C5: variants seen among roughly 807,000 people sequenced by gnomAD.
The protein encoded by C5 is C3 and PZP-like alpha-2-macroglobulin domain-containing protein 4.
A neutral mutation model predicts 218.8 loss-of-function variants in C5; 140 were observed. The observed-to-expected ratio is 0.64, with a 90% CI of 0.56 to 0.74. The LOEUF (loss-of-function observed/expected upper bound fraction) is 0.74. Among genes scored for constraint, C5 ranks in the 30% least tolerant of loss-of-function variants. The pLI is 0.00. For synonymous variants in C5, 614 were observed against 682.3 expected, an observed-to-expected ratio of 0.90 and a Z score of 1.56; for missense variants, 1,700 against 1,969.6, an observed-to-expected ratio of 0.86 and a Z score of 2.59.
chr9:121,061,326 A>C, the C5 span, among the ~76,000 whole-genome samples: 1 of 152,244 alleles, frequency 6.6e-6, no homozygotes, highest in Admixed American at 6.5e-5. Context: ...TAAGGTATTA[A>C]AATATAAACA....
Position 120,997,533 on chromosome 9 carries a change from C to T in C5, c.2790+14G>A, listed in dbSNP as rs757300188. ...ATAATTTAAGCATAAGTTATTGAAG[C>T]ATGTTTTTCTTACCACCACTCGTAA... On this transcript the variant is annotated intron_variant, in intron 21 of 40. Transcript: ENST00000223642. 6.4e-7 allele frequency: 1 copy of T among 1,552,788 alleles called. No individual in the cohort carries two copies. The highest frequency in any genetic ancestry group is 8.9e-7 in the Non-Finnish European group (1 of 1,124,770).
At position 121,046,258 on chromosome 9, in the gene C5, A is replaced by T. The variant is rs762278531; in HGVS notation, c.191T>A (p.Phe64Tyr). The T allele has an allele frequency of 6.2e-7, 1 of 1,609,312 alleles. No individual in the cohort carries two copies. The highest frequency in any genetic ancestry group is 8.5e-7 in the Non-Finnish European group (1 of 1,176,300). Residue 64 changes from phenylalanine to tyrosine, a missense_variant, in exon 2 of 41, where the codon TTT (phenylalanine) becomes TAT (tyrosine). Phe to Tyr is a conservative substitution (Grantham distance 22). Coordinates refer to ENST00000223642, the MANE Select transcript of C5 (RefSeq NM_001735.3). ...ATGAACATGGCCTGAGGAGTAACTA[A>T]ATTTTTTATCAGGATAACTTTTAAT... ...ISIKSYPDKK[F>Y]SYSSGHVHLS... is the part of the protein sequence containing the mutation.
At position 121,014,089 on chromosome 9, in the gene C5, A is replaced by G; in HGVS notation, c.2060-19T>C. ...TTAGCAGCTGAAATGGTAATAATGC[A>G]AGTGCTCTTGATGACGCAGAGTGAT... On this transcript the variant is annotated intron_variant, in intron 16 of 40. Coordinates refer to ENST00000223642, the MANE Select transcript of C5 (RefSeq NM_001735.3). 1 of 1,605,458 alleles carries G rather than the reference A, an allele frequency of 6.2e-7. No individual in the cohort carries two copies. Among genetic ancestry groups the G allele is most frequent in the South Asian group, 1.1e-5 (1 of 90,874 alleles).
chr9:120,963,770 A>G, intron 33 of C5, 32 bp from the exon 34 acceptor site: 1 of 1,489,228 alleles, frequency 6.7e-7, no homozygotes, highest in Non-Finnish European at 9.3e-7. Flanking sequence ...AAAATATAAT[A>G]AATAAGTGAA....
chr9:121,064,901 C>T, the C5 span, among the ~76,000 whole-genome samples: 1 of 151,952 alleles, frequency 6.6e-6, no homozygotes, highest in Non-Finnish European at 1.5e-5. Flanking sequence ...CCCGTCTCTA[C>T]TAAAAATACA....
intron 3 of C5, among the ~76,000 whole-genome samples, chr9:121,038,889 C>G (rs2047553072): frequency 6.6e-6 from 1 of 152,196 alleles, no homozygotes; most frequent in African/African-American, 2.4e-5. Flanking sequence ...TCTCTCCTTC[C>G]CCTCACACCT....
chr9:120,958,413 T>C (rs1207295283), intron 38 of C5, among the ~76,000 whole-genome samples: 2 of 152,208 alleles, frequency 1.3e-5, no homozygotes, highest in Non-Finnish European at 2.9e-5. Context: ...TGTGTTAAAA[T>C]AGATTTCTGA....
upstream of C5, among the ~76,000 whole-genome samples, chr9:121,051,102 T>C (rs1182025791): frequency 2.0e-5 from 3 of 151,492 alleles, no homozygotes; most frequent in African/African-American, 4.8e-5. Context: ...ATTCACAATA[T>C]ACTAAAATTT....
intron 25 of C5, among the ~76,000 whole-genome samples, chr9:120,985,196 C>A (rs1461603868): frequency 6.6e-6 from 1 of 152,048 alleles, no homozygotes; most frequent in Admixed American, 6.6e-5. Flanking sequence ...GGAGACTGCC[C>A]TGAAATTCAA....
At chr9:120,980,307 T>G (rs1011803269) in intron 27 of C5, 53 bp from the exon 28 acceptor site, 10 of 1,505,706 alleles carry the variant, frequency 6.6e-6, no homozygotes, top group Non-Finnish European at 9.2e-6. Flanking sequence ...CACCTATCAA[T>G]TGATATGAAC....
chr9:121,073,659 G>A, the C5 span, among the ~76,000 whole-genome samples: 55 of 151,834 alleles, frequency 3.6e-4, no homozygotes, highest in African/African-American at 1.3e-3. Context: ...GATGACAAGC[G>A]TGCGCCACCA....
intron 33 of C5, 64 bp downstream of exon 33, chr9:120,968,997 A>C: frequency 7.3e-7 from 1 of 1,372,968 alleles, no homozygotes; most frequent in South Asian, 1.2e-5. Flanking sequence ...ATATGTAAAG[A>C]AACAATACGT....
intron 20 of C5, 37 bp from the exon 21 acceptor site, chr9:120,997,811 T>C (rs748935638): frequency 6.4e-7 from 1 of 1,564,608 alleles, no homozygotes; most frequent in Non-Finnish European, 8.8e-7. Flanking sequence ...AAAATACATT[T>C]TTTTTTTTTG....
intron 40 of C5, 102 bp downstream of exon 40, chr9:120,953,628 T>A: frequency 8.5e-7 from 1 of 1,180,716 alleles, no homozygotes; most frequent in Non-Finnish European, 1.3e-6. Context: ...AAATGGTTTG[T>A]TGGTTAAGAG....
At chr9:120,961,188 T>C (rs2046824743) in intron 37 of C5, among the ~76,000 whole-genome samples, 1 of 152,120 alleles carries the variant, frequency 6.6e-6, no homozygotes, top group Non-Finnish European at 1.5e-5. Flanking sequence ...TTGTCTTATA[T>C]GATAAAAAGA....
chr9:120,973,633 T>G (rs1366540155), intron 30 of C5, among the ~76,000 whole-genome samples: 1 of 152,194 alleles, frequency 6.6e-6, no homozygotes, highest in Non-Finnish European at 1.5e-5. Context: ...TATGTTTATA[T>G]CCATATTCTT....
At chr9:121,004,968 A>G (rs1164402670) in intron 20 of C5, among the ~76,000 whole-genome samples, 1 of 117,500 alleles carries the variant, frequency 8.5e-6, no homozygotes, top group Non-Finnish European at 1.8e-5. Flanking sequence ...CAGAGGGCAG[A>G]GCGAGACTCC....
At chr9:120,960,717 T>C (rs1434236265) in intron 37 of C5, among the ~76,000 whole-genome samples, 2 of 152,244 alleles carry the variant, frequency 1.3e-5, no homozygotes, top group Non-Finnish European at 2.9e-5. Flanking sequence ...GTATTTTATG[T>C]ATGGCCCAAG....
At chr9:121,044,345 C>G (rs1318080594) in intron 2 of C5, among the ~76,000 whole-genome samples, 1 of 152,012 alleles carries the variant, frequency 6.6e-6, no homozygotes, top group Non-Finnish European at 1.5e-5. Flanking sequence ...TGTGGTGGTG[C>G]ACGCCTGTTA....
Sources: gnomAD v4.1 joint callset for allele counts (sites outside exome capture counted in the v4.1 genomes callset) on GRCh38, gnomAD v4.1.1 for gene constraint, MANE v1.5 for transcripts, NCBI Gene and HGNC (gene_info 2026-07-23, HGNC 2026-07-21) for gene names.